The following ENTHD1 variants were observed in gnomAD, a reference collection of about 807,000 sequenced individuals.
ENTHD1 encodes ENTH domain-containing protein 1.
ENTHD1 carries 23 observed loss-of-function variants against 39.1 expected under a neutral mutation model. The ratio of observed to expected loss-of-function variants is 0.59; its 90% CI spans 0.42 to 0.83. The LOEUF (loss-of-function observed/expected upper bound fraction) is 0.83. ENTHD1 is among the 40% of genes least tolerant of loss of function. The probability of loss-of-function intolerance (pLI) is 0.00; values close to 1 mark genes in which losing one functional copy is unlikely to be tolerated. For synonymous variants in ENTHD1, 230 were observed against 258.2 expected, an observed-to-expected ratio of 0.89 and a Z score of 1.05; for missense variants, 624 against 705.4, an observed-to-expected ratio of 0.88 and a Z score of 1.31.
At chr22:39,751,846 A>G (rs2065149740) in intron 6 of ENTHD1, among the ~76,000 whole-genome samples, 1 of 152,204 alleles carries the variant, frequency 6.6e-6, no homozygotes, top group African/African-American at 2.4e-5. Flanking sequence ...AGTTTTGTCC[A>G]TACTTGCTAT....
intron 2 of ENTHD1, among the ~76,000 whole-genome samples, chr22:39,875,014 C>T (rs1201207170): frequency 6.6e-6 from 1 of 152,112 alleles, no homozygotes; most frequent in Non-Finnish European, 1.5e-5. Flanking sequence ...GAATGCATAT[C>T]GCACAGGAAT....
intron 3 of ENTHD1, among the ~76,000 whole-genome samples, chr22:39,838,664 T>C (rs959429820): frequency 5.3e-5 from 8 of 152,110 alleles, no homozygotes; most frequent in Admixed American, 2.6e-4. Flanking sequence ...TTAACAAATA[T>C]TCATACAAAT....
intron 5 of ENTHD1, among the ~76,000 whole-genome samples, chr22:39,782,441 A>G (rs545766222): frequency 2.6e-5 from 4 of 152,144 alleles, no homozygotes; most frequent in African/African-American, 4.8e-5. Flanking sequence ...AAGAGGAGAG[A>G]ATACTTCCAA....
chr22:39,810,292 C>T (rs1460214683), intron 5 of ENTHD1, among the ~76,000 whole-genome samples: 1 of 152,192 alleles, frequency 6.6e-6, no homozygotes, highest in African/African-American at 2.4e-5. Context: ...CCACCATAGT[C>T]TACTGGCCAG....
At chr22:39,817,972 C>T (rs572718914) in intron 5 of ENTHD1, among the ~76,000 whole-genome samples, 3 of 152,320 alleles carry the variant, frequency 2.0e-5, no homozygotes, top group East Asian at 1.9e-4. Flanking sequence ...CACTGACACT[C>T]CTTCCTCCAT....
chr22:39,826,309 T>A (rs1005935440), intron 4 of ENTHD1, among the ~76,000 whole-genome samples: 5 of 152,156 alleles, frequency 3.3e-5, no homozygotes, highest in African/African-American at 1.2e-4. Flanking sequence ...TTGTTAGAGG[T>A]TTATCAACTT....
chr22:39,815,738 T>C (rs186114035), intron 5 of ENTHD1, among the ~76,000 whole-genome samples: 108 of 152,282 alleles, frequency 7.1e-4, no homozygotes, highest in African/African-American at 2.6e-3. Context: ...ATAATGAGGA[T>C]AGTATTCCAC....
chr22:39,859,421 A>G (rs896565390), intron 3 of ENTHD1, among the ~76,000 whole-genome samples: 1 of 152,202 alleles, frequency 6.6e-6, no homozygotes, highest in Non-Finnish European at 1.5e-5. Context: ...TCGGCTTTCA[A>G]CATGCCTTTC....
intron 6 of ENTHD1, among the ~76,000 whole-genome samples, chr22:39,749,512 A>T (rs2065132142): frequency 6.6e-6 from 1 of 152,254 alleles, no homozygotes; most frequent in Admixed American, 6.5e-5. Flanking sequence ...AAATAAACTG[A>T]GAAATTTCTA....
intron 5 of ENTHD1, among the ~76,000 whole-genome samples, chr22:39,812,754 C>T (rs1485181008): frequency 6.6e-6 from 1 of 152,080 alleles, no homozygotes; most frequent in Non-Finnish European, 1.5e-5. Context: ...TACCAGGTGG[C>T]AGGTTGATTA....
At chr22:39,764,250 G>A (rs1037920865) in intron 6 of ENTHD1, among the ~76,000 whole-genome samples, 1 of 152,088 alleles carries the variant, frequency 6.6e-6, no homozygotes, top group African/African-American at 2.4e-5. Flanking sequence ...GAGGCAGGAG[G>A]ATCACTTGAG....
intron 5 of ENTHD1, among the ~76,000 whole-genome samples, chr22:39,786,727 C>A (rs1001681481): frequency 6.6e-6 from 1 of 152,196 alleles, no homozygotes; most frequent in East Asian, 1.9e-4. Context: ...GCAACCACCA[C>A]ACTACTCTCT....
rs756490695 is a variant in ENTHD1, at chr22:39,861,794, A to C, written c.563T>G (p.Leu188Arg). 6.4e-7 allele frequency: 1 copy of C among 1,566,994 alleles called. No individual in the cohort carries two copies. The highest frequency in any genetic ancestry group is 8.7e-7 in the Non-Finnish European group (1 of 1,151,012). Residue 188 changes from leucine (L) to arginine (R), a missense_variant, in exon 3 of 7, where the codon CTT becomes CGT. Transcript: ENST00000325157. ...DISASEKKYK[L>R]PKFGRLHNKR... ...ATTATGTAACCTTCCAAACTTAGGA[A>C]GCTTATACTTCTTCTCTGAAGCAGA...
chr22:39,768,023 A>G (rs2065291242), intron 5 of ENTHD1, among the ~76,000 whole-genome samples: 1 of 152,228 alleles, frequency 6.6e-6, no homozygotes, highest in South Asian at 2.1e-4. Context: ...AGCCAAATGA[A>G]AAATAATGAT....
chr22:39,744,299 G>A lies in ENTHD1; in HGVS notation c.1220-16C>T, dbSNP rs943589573. The A allele has an allele frequency of 7.7e-6, 12 of 1,559,416 alleles. No individual in the cohort carries two copies. Among genetic ancestry groups the A allele is most frequent in the Non-Finnish European group, 1.0e-5 (12 of 1,158,070 alleles). The stretch of plus-strand genomic sequence containing the variant: ...GCAGTTGAAACTAAAATGTGTAAAT[G>A]AGAGAAAAAAGATTTATGCAACATA... On this transcript the variant is annotated splice_polypyrimidine_tract_variant and intron_variant, in intron 6 of 6. Coordinates refer to ENST00000325157, the MANE Select transcript of ENTHD1 (RefSeq NM_152512.4).
At chr22:39,835,644 T>TA (rs1268772296) in intron 4 of ENTHD1, among the ~76,000 whole-genome samples, 196 bp downstream of exon 4, 3 of 151,782 alleles carry the variant, frequency 2.0e-5, no homozygotes, top group Non-Finnish European at 2.9e-5. Flanking sequence ...AAGACAAATT[T>TA]AAAAAAAACC....
At chr22:39,753,835 T>C (rs1449874342) in intron 6 of ENTHD1, among the ~76,000 whole-genome samples, 1 of 152,200 alleles carries the variant, frequency 6.6e-6, no homozygotes, top group East Asian at 1.9e-4. Context: ...AAAATTACTT[T>C]TCTTCTCGCT....
chr22:39,751,277 G>A (rs1381936449), intron 6 of ENTHD1: 1 of 154,284 alleles, frequency 6.5e-6, no homozygotes, highest in Non-Finnish European at 1.5e-5. Context: ...GTTGACCAAG[G>A]TATCAGCAAC....
At chr22:39,811,421 G>A (rs2065685194) in intron 5 of ENTHD1, among the ~76,000 whole-genome samples, 1 of 152,206 alleles carries the variant, frequency 6.6e-6, no homozygotes, top group Non-Finnish European at 1.5e-5. Flanking sequence ...GATCAATGGA[G>A]CCTCTGACAG....
Sources: gnomAD v4.1 joint callset for allele counts (sites outside exome capture counted in the v4.1 genomes callset) on GRCh38, gnomAD v4.1.1 for gene constraint, MANE v1.5 for transcripts, NCBI Gene and HGNC (gene_info 2026-07-23, HGNC 2026-07-21) for gene names.